The following ROBO2 variants were observed in gnomAD, a reference collection of about 807,000 sequenced individuals.
The protein encoded by ROBO2 is roundabout homolog 2.
In ROBO2, 53 loss-of-function variants were observed where a neutral mutation model predicts 160.8. The ratio of observed to expected loss-of-function variants is 0.33; its 90% confidence interval spans 0.26 to 0.41. The LOEUF is 0.41. Among genes scored for constraint, ROBO2 ranks in the 10% least tolerant of loss-of-function variants. ROBO2 has a pLI of 1.00. For synonymous variants in ROBO2, 664 were observed against 611.7 expected (o/e 1.09, Z -1.26); for missense variants, 1,577 against 1,722.4 (o/e 0.92, Z 1.49).
chr3:75,922,751 G>T (rs1174658306), intron 1 of ROBO2, among the ~76,000 whole-genome samples: 2 of 152,060 alleles, frequency 1.3e-5, no homozygotes, highest in Non-Finnish European at 2.9e-5. Context: ...TATTTTCTCT[G>T]AAAGTTGTCA....
At chr3:77,241,896 G>C (rs1199177536) in intron 2 of ROBO2, among the ~76,000 whole-genome samples, 31 of 152,132 alleles carry the variant, frequency 2.0e-4, no homozygotes. Context: ...GGAATCAAAA[G>C]TCGGAAGCTT....
At chr3:76,425,740 G>T in intron 2 of ROBO2, among the ~76,000 whole-genome samples, 1 of 151,796 alleles carries the variant, frequency 6.6e-6, no homozygotes, top group East Asian at 1.9e-4. Context: ...CCAAAGCTCG[G>T]TGCCTATAAC....
At chr3:76,081,185 C>G (rs1241630121) in intron 2 of ROBO2, among the ~76,000 whole-genome samples, 1 of 151,638 alleles carries the variant, frequency 6.6e-6, no homozygotes, top group Non-Finnish European at 1.5e-5. Context: ...ATATTCTATT[C>G]CATGTACAAA....
intron 2 of ROBO2, among the ~76,000 whole-genome samples, chr3:76,115,876 T>C (rs899976436): frequency 4.6e-5 from 7 of 152,130 alleles, no homozygotes; most frequent in African/African-American, 1.4e-4. Context: ...GACAATGGAT[T>C]TCAAATGTGC....
At chr3:76,908,331 C>T (rs1037877205) in intron 2 of ROBO2, among the ~76,000 whole-genome samples, 3 of 152,172 alleles carry the variant, frequency 2.0e-5, no homozygotes, top group African/African-American at 7.2e-5. Context: ...AACTTGGCAG[C>T]ACACACATTT....
intron 2 of ROBO2, among the ~76,000 whole-genome samples, chr3:76,216,422 A>G (rs371997951): frequency 2.0e-5 from 3 of 152,132 alleles, no homozygotes; most frequent in African/African-American, 4.8e-5. Flanking sequence ...CCCATCTCAC[A>G]TGCAGAGACA....
intron 2 of ROBO2, among the ~76,000 whole-genome samples, chr3:77,234,264 G>T (rs58918229): frequency 6.6e-6 from 1 of 152,042 alleles, no homozygotes; most frequent in Non-Finnish European, 1.5e-5. Context: ...CATCTCCCAC[G>T]CCTGCCCTTG....
At position 76,754,897 on chromosome 3, in the gene ROBO2, C is replaced by T. The variant is rs538301117; in HGVS notation, c.110-343117C>T. 2.0e-4 allele frequency among the ~76,000 whole-genome samples: 31 copies of T among 151,884 alleles called. No homozygotes were observed. In the South Asian group the frequency reaches 5.8e-3, roughly 28 times the overall value. ...AAATCTAATGAAGAAAATATCAGGC[C>T]TAAATGTATGCATTGTGAATTCTAT... On this transcript the variant is annotated intron_variant, in intron 2 of 26. Transcript: ENST00000487694.
At chr3:77,541,441 T>C (rs1582824893) in intron 6 of ROBO2, among the ~76,000 whole-genome samples, 1 of 152,222 alleles carries the variant, frequency 6.6e-6, no homozygotes, top group South Asian at 2.1e-4. Flanking sequence ...TTGGGCTGAA[T>C]GCAGTATCAA....
intron 2 of ROBO2, among the ~76,000 whole-genome samples, chr3:77,283,416 G>A (rs181574728): frequency 6.6e-6 from 1 of 152,212 alleles, no homozygotes; most frequent in African/African-American, 2.4e-5. Flanking sequence ...AAATAACCTG[G>A]ATTCTAAGGC....
chr3:76,695,529 G>A (rs892640589), intron 2 of ROBO2, among the ~76,000 whole-genome samples: 2 of 152,054 alleles, frequency 1.3e-5, no homozygotes, highest in South Asian at 2.1e-4. Context: ...ATATAACAAT[G>A]CCTTTGAAAT....
intron 2 of ROBO2, among the ~76,000 whole-genome samples, chr3:76,677,007 A>G (rs1293883456): frequency 6.6e-6 from 1 of 152,224 alleles, no homozygotes; most frequent in Non-Finnish European, 1.5e-5. Flanking sequence ...GTTCTGAAAT[A>G]GCAGAAAGAC....
chr3:76,444,465 T>C (rs760832445), intron 2 of ROBO2, among the ~76,000 whole-genome samples: 16 of 152,156 alleles, frequency 1.1e-4, no homozygotes, highest in Non-Finnish European at 1.5e-4. Context: ...AGAGGTTTAA[T>C]TGGCTTACAT....
chr3:76,461,706 G>GT (rs1387031878), intron 2 of ROBO2, among the ~76,000 whole-genome samples: 1 of 152,050 alleles, frequency 6.6e-6, no homozygotes, highest in African/African-American at 2.4e-5. Context: ...GCAATGAAAT[G>GT]TATCACCTAT....
chr3:77,031,021 AT>A (rs1435220294), intron 2 of ROBO2, among the ~76,000 whole-genome samples: 9 of 152,212 alleles, frequency 5.9e-5, no homozygotes, highest in African/African-American at 2.2e-4. Context: ...TTGGATATGC[AT>A]GATAGTAGGT....
intron 1 of ROBO2, among the ~76,000 whole-genome samples, chr3:75,913,389 G>A (rs928615620): frequency 1.3e-5 from 2 of 152,070 alleles, no homozygotes; most frequent in African/African-American, 4.8e-5. Context: ...ACATCTTTTG[G>A]GACTATTATG....
chr3:76,535,760 A>G (rs1164531396), intron 2 of ROBO2, among the ~76,000 whole-genome samples: 1 of 152,130 alleles, frequency 6.6e-6, no homozygotes, highest in African/African-American at 2.4e-5. Flanking sequence ...TATGGGGGCA[A>G]TGGAAACAGG....
intron 2 of ROBO2, among the ~76,000 whole-genome samples, chr3:77,003,815 G>A (rs72902068): frequency 8.5e-4 from 129 of 152,216 alleles, no homozygotes; most frequent in African/African-American, 3.0e-3. Context: ...CAAGTTCTGG[G>A]ATTACTGGTG....
chr3:76,083,788 C>G (rs909846872), intron 2 of ROBO2, among the ~76,000 whole-genome samples: 1 of 152,040 alleles, frequency 6.6e-6, no homozygotes, highest in Admixed American at 6.6e-5. Flanking sequence ...AATTGAATAG[C>G]GTGTAGACTT....
Sources: gnomAD v4.1 joint callset for allele counts (sites outside exome capture counted in the v4.1 genomes callset) on GRCh38, gnomAD v4.1.1 for gene constraint, MANE v1.5 for transcripts, NCBI Gene and HGNC (gene_info 2026-07-23, HGNC 2026-07-21) for gene names.